Variants in C5 observed in about 807,000 individuals in gnomAD.
C5 encodes complement C5.
A neutral mutation model predicts 218.8 loss-of-function variants in C5; 140 were observed. That is an observed-to-expected ratio of 0.64 (90% CI 0.56 to 0.74). The LOEUF (loss-of-function observed/expected upper bound fraction) is 0.74. C5 is among the 30% of genes least tolerant of loss of function. The probability of loss-of-function intolerance (pLI) is 0.00; values close to 1 mark genes in which losing one functional copy is unlikely to be tolerated. For missense variants in C5, 1,700 were observed against 1,969.6 expected (o/e 0.86, Z 2.59); for synonymous variants, 614 against 682.3 (o/e 0.90, Z 1.56).
chr9:121,012,007 G>A (rs1224595965), intron 17 of C5, among the ~76,000 whole-genome samples: 5 of 151,820 alleles, frequency 3.3e-5, no homozygotes, highest in African/African-American at 1.2e-4. Context: ...ATGGTTTATG[G>A]GTACAAAAAA....
intron 3 of C5, among the ~76,000 whole-genome samples, chr9:121,041,088 C>T (rs183630512): frequency 1.0e-3 from 154 of 150,918 alleles, no homozygotes; most frequent in South Asian, 4.6e-3. Context: ...GAATTACAGG[C>T]GTGCACCACC....
Position 120,980,074 on chromosome 9 carries a change from A to G in C5, c.3658+9T>C. ...CACTCACTGAATACATGTATGGAAC[A>G]AGTTATACCTTTAACCAAAGCTTCT... On this transcript the variant is annotated intron_variant, in intron 28 of 40. Coordinates refer to ENST00000223642, the MANE Select transcript of C5 (RefSeq NM_001735.3). 1 of 1,613,686 alleles carries G rather than the reference A, an allele frequency of 6.2e-7. No individual in the cohort carries two copies. Among genetic ancestry groups the G allele is most frequent in the Non-Finnish European group, 8.5e-7 (1 of 1,179,586 alleles).
Position 121,021,609 on chromosome 9 carries a change from G to A in C5, c.1202C>T (p.Thr401Ile). 1.9e-6 allele frequency: 3 copies of A among 1,613,412 alleles called. No homozygotes were observed. Among genetic ancestry groups the A allele is most frequent in the South Asian group, 1.1e-5 (1 of 91,066 alleles). ...NAQTIDVNQE[T>I]SDLDPSKSVT... is the part of the protein sequence containing the mutation. ...ACTTTTGCTTGGATCCAAGTCAGAT[G>A]TCTCTTGGTTTACATCAATTGTTTG... is the stretch of plus-strand genomic sequence containing the variant. The change falls in exon 11 of 41, where the codon ACA becomes ATA. Residue 401 changes from threonine to isoleucine, a missense_variant. Transcript: ENST00000223642.
chr9:121,027,372 C>T (rs1175564270), intron 7 of C5, 98 bp from the exon 8 acceptor site: 3 of 717,448 alleles, frequency 4.2e-6, no homozygotes, highest in Admixed American at 2.1e-5. Context: ...GCACTTGAGG[C>T]ACTTTAAAGT....
intron 3 of C5, among the ~76,000 whole-genome samples, chr9:121,041,733 G>C (rs1041230731): frequency 1.3e-5 from 2 of 152,134 alleles, no homozygotes; most frequent in African/African-American, 2.4e-5. Flanking sequence ...CTTCAATGTA[G>C]GAGGAGGACA....
intron 22 of C5, among the ~76,000 whole-genome samples, chr9:120,993,965 T>G (rs2047097241): frequency 6.6e-6 from 1 of 151,998 alleles, no homozygotes; most frequent in South Asian, 2.1e-4. Flanking sequence ...ATGAGGATGG[T>G]GTGTCAGGAA....
At chr9:120,989,517 A>T in intron 24 of C5, 51 bp downstream of exon 24, 1 of 1,172,808 alleles carries the variant, frequency 8.5e-7, no homozygotes, top group South Asian at 1.4e-5. Flanking sequence ...TTTAATAAAA[A>T]TATTAGTTTA....
intron 30 of C5, among the ~76,000 whole-genome samples, chr9:120,974,140 C>G (rs571831100): frequency 1.3e-5 from 2 of 152,156 alleles, no homozygotes; most frequent in African/African-American, 4.8e-5. Context: ...ATGTGGGCAG[C>G]TAATATTAAT....
rs1307204628 is a variant in C5, at chr9:120,963,696, A to G, written c.4263T>C (p.His1421=). The G allele has an allele frequency of 1.2e-6, 2 of 1,613,960 alleles. No homozygotes were observed. Among genetic ancestry groups the G allele is most frequent in the Non-Finnish European group, 1.7e-6 (2 of 1,179,864 alleles). ...SREESSSGSS[H]AVMDISLPTG... ...TAGGCAAGGAGATGTCCATCACCGC[A>G]TGAGAGGATCCAGATGATGATTCTT... The change falls in exon 34 of 41, where the codon CAT becomes CAC. Residue 1421 remains histidine (H), a synonymous_variant. Coordinates refer to ENST00000223642, the MANE Select transcript of C5 (RefSeq NM_001735.3).
rs11314681 is a variant in C5 at position 120,984,206 on chromosome 9, A to AT, written c.3231-1393dup. On this transcript the variant is annotated intron_variant, in intron 25 of 40. Coordinates refer to ENST00000223642, the MANE Select transcript of C5 (RefSeq NM_001735.3). ...TCTAATTGATTTAATTATTTTAAAG[A>AT]TTTTTTTTTTGATATTAATCGGAAC... is the stretch of plus-strand genomic sequence containing the variant. Among the ~76,000 whole-genome samples, 248 of 151,302 alleles carry AT rather than the reference A, an allele frequency of 1.6e-3. 1 individual carries two copies. Among genetic ancestry groups the AT allele is most frequent in the East Asian group, 7.6e-3 (39 of 5,160 alleles).
At chr9:120,979,235 C>T (rs1356568477) in intron 28 of C5, among the ~76,000 whole-genome samples, 1 of 152,216 alleles carries the variant, frequency 6.6e-6, no homozygotes, top group Non-Finnish European at 1.5e-5. Flanking sequence ...CCACCAGGTA[C>T]TTCCTTCTAG....
chr9:120,961,492 C>T lies in C5; in HGVS notation c.4578G>A (p.Lys1526=). 6.2e-7 allele frequency: 1 copy of T among 1,608,322 alleles called. No individual in the cohort carries two copies. The highest frequency in any genetic ancestry group is 8.5e-7 in the Non-Finnish European group (1 of 1,174,712). Residue 1526 remains lysine (K), a synonymous_variant, in exon 37 of 41, where the codon AAG becomes AAA. Transcript: ENST00000223642. ...TTAAATAAAGTTTACCTTCTACACACTTGCACGCGGCTCCTTCACAGACTT... is the reference window on the plus strand; with the variant it reads ...TTAAATAAAGTTTACCTTCTACACATTTGCACGCGGCTCCTTCACAGACTT... ...IQKVCEGAAC[K]CVEADCGQMQ... is the part of the protein sequence containing the mutation.
chr9:120,952,866 T>C lies in C5; in HGVS notation c.4904A>G (p.Tyr1635Cys), dbSNP rs763315652. Residue 1635 changes from tyrosine (Y) to cysteine (C), a missense_variant and splice_region_variant, in exon 41 of 41, where the codon TAC (tyrosine) becomes TGC (cysteine). By Grantham distance (194) the Tyr-to-Cys change is radical. Transcript: ENST00000223642. ...GGTCAAGGAATCTAAAGGGTAGATG[T>C]ACCTACCAAGAAACAAAGTGTTTGT... ...LQIKYNFSFR[Y>C]IYPLDSLTWI... The C allele has an allele frequency of 1.2e-6, 2 of 1,613,574 alleles. No individual in the cohort carries two copies. The highest frequency in any genetic ancestry group is 1.7e-6 in the Non-Finnish European group (2 of 1,179,682).
At chr9:121,020,538 A>G (rs1038989351) in intron 11 of C5, among the ~76,000 whole-genome samples, 4 of 152,228 alleles carry the variant, frequency 2.6e-5, no homozygotes, top group African/African-American at 7.2e-5. Context: ...AAATGGGGGT[A>G]GGAGAAGGGA....
At chr9:121,043,492 A>G (rs1347466087) in intron 2 of C5, among the ~76,000 whole-genome samples, 1 of 151,526 alleles carries the variant, frequency 6.6e-6, no homozygotes, top group Non-Finnish European at 1.5e-5. Flanking sequence ...CATGCTCCCC[A>G]TTCCCTTTGT....
At chr9:121,062,602 CA>C in the C5 span, among the ~76,000 whole-genome samples, 1 of 152,142 alleles carries the variant, frequency 6.6e-6, no homozygotes, top group Non-Finnish European at 1.5e-5. Flanking sequence ...ATGTCAAGAA[CA>C]TGAGAAAATT....
chr9:120,991,055 G>A, intron 23 of C5, 136 bp downstream of exon 23: 1 of 663,286 alleles, frequency 1.5e-6, no homozygotes, highest in South Asian at 1.7e-5. Flanking sequence ...GTGGGTAGGG[G>A]TGGAGCACTC....
At chr9:121,052,328 G>T (rs1383554534), upstream of C5, among the ~76,000 whole-genome samples, 6 of 151,736 alleles carry the variant, frequency 4.0e-5, no homozygotes, top group African/African-American at 1.2e-4. Flanking sequence ...GTGGTGGCGG[G>T]TGCCTGTAAT....
intron 32 of C5, 109 bp from the exon 33 acceptor site, chr9:120,969,227 C>T (rs2046892499): frequency 2.3e-6 from 2 of 874,526 alleles, no homozygotes; most frequent in Non-Finnish European, 3.9e-6. Flanking sequence ...TTTGAACACA[C>T]TTAAAAATGA....
Sources: gnomAD v4.1 joint callset for allele counts (sites outside exome capture counted in the v4.1 genomes callset) on GRCh38, gnomAD v4.1.1 for gene constraint, MANE v1.5 for transcripts, NCBI Gene and HGNC (gene_info 2026-07-23, HGNC 2026-07-21) for gene names.